Variants in SLC7A2 observed in about 807,000 individuals in gnomAD.
SLC7A2 encodes the protein solute carrier family 7 member 2.
Under a neutral mutation model 58.9 loss-of-function variants are expected in SLC7A2, and 48 were observed. That is an observed-to-expected ratio of 0.82 (90% CI 0.65 to 1.04). The LOEUF is 1.04. Among genes scored for constraint, SLC7A2 ranks in the 50% least tolerant of loss-of-function variants. The probability of loss-of-function intolerance (pLI) is 0.00; values close to 1 mark genes in which losing one functional copy is unlikely to be tolerated. For missense variants in SLC7A2, 1,029 were observed against 818.8 expected (o/e 1.26, Z -3.13); for synonymous variants, 363 against 314.5 (o/e 1.15, Z -1.63).
chr8:17,521,297 A>G (rs1801004272), intron 2 of SLC7A2, among the ~76,000 whole-genome samples: 1 of 152,218 alleles, frequency 6.6e-6, no homozygotes, highest in Non-Finnish European at 1.5e-5. Flanking sequence ...TGTTTTCCCC[A>G]CAGACAAAAA....
chr8:17,533,476 A>G (rs1389508251), intron 2 of SLC7A2, among the ~76,000 whole-genome samples: 3 of 152,204 alleles, frequency 2.0e-5, no homozygotes, highest in Non-Finnish European at 4.4e-5. Context: ...TTTGCCTAGC[A>G]TTGAGACAAA....
chr8:17,529,424 G>A (rs770631552), intron 2 of SLC7A2, among the ~76,000 whole-genome samples: 6 of 152,184 alleles, frequency 3.9e-5, no homozygotes, highest in Non-Finnish European at 5.9e-5. Context: ...CATTGGGGAT[G>A]GGGGAGCAAG....
At chr8:17,535,411 G>C (rs914668743) in intron 2 of SLC7A2, among the ~76,000 whole-genome samples, 6 of 152,086 alleles carry the variant, frequency 3.9e-5, no homozygotes, top group African/African-American at 1.4e-4. Context: ...TCAGAGTTAG[G>C]AGCCCTTGCA....
At chr8:17,508,304 A>G (rs975094212) in intron 2 of SLC7A2, among the ~76,000 whole-genome samples, 15 of 152,204 alleles carry the variant, frequency 9.9e-5, no homozygotes, top group African/African-American at 3.4e-4. Context: ...TTTTTGCTAC[A>G]GAGTACAAGA....
In SLC7A2 at chr8:17,554,285, A is replaced by C. The variant is rs563359175; in HGVS notation, c.1056-275A>C. 3.0e-3 allele frequency among the ~76,000 whole-genome samples: 461 copies of C among 152,298 alleles called. 3 individuals are homozygous for C. The highest frequency in any genetic ancestry group is 9.9e-3 in the African/African-American group (411 of 41,588). ...TTAATTTGGTAATAATTGTGGGTAC[A>C]CACAAATTACTTGCAATATTGTTTT... On this transcript the variant is annotated intron_variant, in intron 7 of 12. Transcript: ENST00000494857.
chr8:17,524,421 TACACACACAC>T (rs367710230), intron 2 of SLC7A2, among the ~76,000 whole-genome samples: 119 of 135,092 alleles, frequency 8.8e-4, no homozygotes, highest in African/African-American at 2.1e-3. Flanking sequence ...TGTGTGTGTG[TACACACACAC>T]ACACACACAC....
At chr8:17,549,254 C>T (rs1477214494) in intron 5 of SLC7A2, among the ~76,000 whole-genome samples, 2 of 152,242 alleles carry the variant, frequency 1.3e-5, no homozygotes, top group Non-Finnish European at 2.9e-5. Flanking sequence ...CACAGCCAAA[C>T]CATACCAGAA....
At chr8:17,520,322 C>T (rs1418744264) in intron 2 of SLC7A2, among the ~76,000 whole-genome samples, 1 of 151,948 alleles carries the variant, frequency 6.6e-6, no homozygotes, top group East Asian at 1.9e-4. Context: ...ACATAAAATG[C>T]ACACACACGC....
At chr8:17,564,863 T>C in intron 12 of SLC7A2, 87 bp from the exon 13 acceptor site, 1 of 1,117,384 alleles carries the variant, frequency 8.9e-7, no homozygotes, top group Non-Finnish European at 1.2e-6. Flanking sequence ...CAAACTCTAT[T>C]AAGTTCTACA....
Position 17,567,818 on chromosome 8 carries a change from T to G in SLC7A2, c.*2672T>G, listed in dbSNP as rs936110421. 6.6e-6 allele frequency: 1 copy of G among 152,220 alleles called. No homozygotes were observed. Among genetic ancestry groups the G allele is most frequent in the Admixed American group, 6.5e-5 (1 of 15,288 alleles). 9.4% of individuals were successfully genotyped at this position (152,220 alleles called of 1,614,324 possible). ...TATAATGTTTCTAATATGAAATCAC[T>G]AAACTCTAGTACATTATAGCAGGTG... On this transcript the variant is annotated 3_prime_UTR_variant, in exon 13 of 13. Coordinates refer to ENST00000494857, the MANE Select transcript of SLC7A2 (RefSeq NM_001370338.1).
chr8:17,510,669 T>C (rs1195654328), intron 2 of SLC7A2: 1 of 152,202 alleles, frequency 6.6e-6, no homozygotes, highest in Non-Finnish European at 1.5e-5. Context: ...TGCCCGCTTT[T>C]TGATGGAAGA....
chr8:17,511,102 G>C lies in SLC7A2; in HGVS notation c.-23+8800G>C, dbSNP rs142710179. 16 of 151,374 alleles carry C rather than the reference G, an allele frequency of 1.1e-4. No homozygotes were observed. The East Asian group carries it at 2.9e-3, about 27-fold the overall frequency. The allele number at this position is 151,374 out of a possible 1,614,324, so 9.4% of individuals were successfully genotyped here. A position where few individuals can be genotyped will look rare whatever the true frequency, so the allele number is the denominator to read the frequency against. ...ATAACACACACTGGGGCCGGTTGAG[G>C]AGTTGGGGGCGAGGGGAGGGAGAGC... is the stretch of plus-strand genomic sequence containing the variant. On this transcript the variant is annotated intron_variant, in intron 2 of 12. Coordinates refer to ENST00000494857, the MANE Select transcript of SLC7A2 (RefSeq NM_001370338.1).
chr8:17,558,291 CT>C lies in SLC7A2; in HGVS notation c.1196-3del. The C allele has an allele frequency of 6.2e-7, 1 of 1,604,926 alleles. No individual in the cohort carries two copies. Among genetic ancestry groups the C allele is most frequent in the Non-Finnish European group, 8.5e-7 (1 of 1,172,094 alleles). ...ACTTCACCGTTCTTTTCTTCTCCCC[CT>C]AGCTTTGATGGCCTTTCTGTTTGAC... is the stretch of plus-strand genomic sequence containing the variant. On this transcript the variant is annotated splice_region_variant and splice_polypyrimidine_tract_variant and intron_variant, in intron 8 of 12. Transcript: ENST00000494857.
intron 2 of SLC7A2, among the ~76,000 whole-genome samples, chr8:17,509,869 GT>G (rs1373233427): frequency 6.6e-6 from 1 of 152,040 alleles, no homozygotes; most frequent in Non-Finnish European, 1.5e-5. Flanking sequence ...AAGCCTGTGT[GT>G]TTCATTTCAA....
intron 2 of SLC7A2, among the ~76,000 whole-genome samples, chr8:17,514,077 T>G (rs965567748): frequency 3.3e-5 from 5 of 152,208 alleles, no homozygotes; most frequent in African/African-American, 1.2e-4. Context: ...CAAGGGTATA[T>G]GGTCAGCCCT....
chr8:17,496,093 T>C (rs562600417), upstream of SLC7A2, among the ~76,000 whole-genome samples: 10 of 152,230 alleles, frequency 6.6e-5, no homozygotes, highest in Non-Finnish European at 1.3e-4. Context: ...GGACGTTTAC[T>C]CCAATACTAT....
intron 2 of SLC7A2, among the ~76,000 whole-genome samples, chr8:17,523,997 G>C (rs566624448): frequency 6.6e-6 from 1 of 152,098 alleles, no homozygotes; most frequent in Admixed American, 6.5e-5. Flanking sequence ...CAAGCATATG[G>C]AAAAATGTTC....
At chr8:17,529,946 G>A (rs1801374149) in intron 2 of SLC7A2, among the ~76,000 whole-genome samples, 1 of 152,144 alleles carries the variant, frequency 6.6e-6, no homozygotes, top group African/African-American at 2.4e-5. Flanking sequence ...GCCATTAAAA[G>A]CAGTAGCAAA....
chr8:17,527,085 C>G (rs973355425), intron 2 of SLC7A2, among the ~76,000 whole-genome samples: 4 of 152,202 alleles, frequency 2.6e-5, no homozygotes, highest in Middle Eastern at 3.4e-3. Context: ...TTTGGATTAA[C>G]ATAGAAGACC....
Sources: allele counts gnomAD v4.1 joint callset (sites outside exome capture counted in the v4.1 genomes callset), GRCh38; gene constraint gnomAD v4.1.1; transcripts MANE v1.5; gene names NCBI Gene and HGNC (gene_info 2026-07-23, HGNC 2026-07-21).